The following DGKB variants were observed in gnomAD, a reference collection of about 807,000 sequenced individuals.
DGKB encodes diacylglycerol kinase beta, also known as 90 kDa diacylglycerol kinase.
Under a neutral mutation model 114.3 loss-of-function variants are expected in DGKB, and 67 were observed. That is an observed-to-expected ratio of 0.59 (90% CI 0.48 to 0.72). DGKB has a LOEUF of 0.72. Among genes scored for constraint, DGKB ranks in the 30% least tolerant of loss-of-function variants. The pLI is 0.00. For missense variants in DGKB, 907 were observed against 975.2 expected (o/e 0.93, Z 0.93); for synonymous variants, 398 against 323.1 (o/e 1.23, Z -2.49).
At chr7:14,726,260 C>G (rs1204067809) in intron 5 of DGKB, among the ~76,000 whole-genome samples, 4 of 152,076 alleles carry the variant, frequency 2.6e-5, no homozygotes, top group African/African-American at 9.7e-5. Context: ...CTGCCTCAGC[C>G]TCCCAGGTAG....
intron 1 of DGKB, among the ~76,000 whole-genome samples, chr7:14,861,941 A>G (rs1384244105): frequency 6.6e-6 from 1 of 151,970 alleles, no homozygotes; most frequent in African/African-American, 2.4e-5. Flanking sequence ...CTGTAAGGTG[A>G]TGCGTCACCG....
At chr7:14,654,126 A>G (rs2128907756) in intron 13 of DGKB, among the ~76,000 whole-genome samples, 1 of 152,218 alleles carries the variant, frequency 6.6e-6, no homozygotes, top group East Asian at 1.9e-4. Flanking sequence ...AATCTTACAT[A>G]TAGAAAAACC....
At chr7:14,382,550 G>C (rs1041859798) in intron 21 of DGKB, among the ~76,000 whole-genome samples, 1 of 151,920 alleles carries the variant, frequency 6.6e-6, no homozygotes, top group Non-Finnish European at 1.5e-5. Flanking sequence ...TATTCACAGG[G>C]GTAATTTTTA....
chr7:14,292,007 ACAATAT>A (rs1381409940), intron 23 of DGKB, among the ~76,000 whole-genome samples: 7 of 152,258 alleles, frequency 4.6e-5, no homozygotes, highest in African/African-American at 1.7e-4. Context: ...CAAAAAAGGC[ACAATAT>A]CTGAAGGACA....
intron 13 of DGKB, 130 bp downstream of exon 13, chr7:14,672,799 C>G (rs562299473): frequency 2.1e-6 from 1 of 480,900 alleles, no homozygotes; most frequent in Non-Finnish European, 3.8e-6. Flanking sequence ...TTCAGAGTAA[C>G]GACGTATTTT....
intron 21 of DGKB, among the ~76,000 whole-genome samples, chr7:14,457,611 G>C (rs1408626927): frequency 6.6e-6 from 1 of 152,078 alleles, no homozygotes; most frequent in East Asian, 1.9e-4. Context: ...CTGCAATTAA[G>C]AAAGAACATC....
intron 13 of DGKB, among the ~76,000 whole-genome samples, chr7:14,653,770 A>T (rs1017078960): frequency 2.0e-5 from 3 of 152,130 alleles, no homozygotes; most frequent in Admixed American, 6.6e-5. Context: ...GAATAAAGGA[A>T]AAAGTCTTAC....
chr7:14,715,761 C>G (rs755872037), intron 6 of DGKB, among the ~76,000 whole-genome samples: 15 of 152,216 alleles, frequency 9.9e-5, no homozygotes, highest in Non-Finnish European at 1.8e-4. Flanking sequence ...CGAATAACAC[C>G]CTTTCCTTCT....
chr7:14,654,118 T>C (rs994270948), intron 13 of DGKB, among the ~76,000 whole-genome samples: 1 of 152,000 alleles, frequency 6.6e-6, no homozygotes, highest in African/African-American at 2.4e-5. Flanking sequence ...AATGAGATAA[T>C]CTTACATATA....
intron 4 of DGKB, among the ~76,000 whole-genome samples, chr7:14,752,878 A>G (rs1192528929): frequency 1.3e-5 from 2 of 152,116 alleles, no homozygotes; most frequent in Non-Finnish European, 2.9e-5. Flanking sequence ...CAAATCATTT[A>G]CTCCAAGGGA....
At chr7:14,839,850 T>G (rs990456976) in intron 2 of DGKB, among the ~76,000 whole-genome samples, 6 of 152,082 alleles carry the variant, frequency 3.9e-5, no homozygotes. Flanking sequence ...TTAAAATGCC[T>G]ATGAAATTAT....
chr7:14,927,934 G>T (rs541187141), intron 1 of DGKB, among the ~76,000 whole-genome samples: 1 of 151,594 alleles, frequency 6.6e-6, no homozygotes, highest in Admixed American at 6.6e-5. Flanking sequence ...CTAGTATCTT[G>T]GATGCAATTT....
intron 23 of DGKB, among the ~76,000 whole-genome samples, chr7:14,228,899 T>TGTGTGTGTGTGTGTGTGTGTGG (rs1791269963): frequency 6.6e-6 from 1 of 151,724 alleles, no homozygotes; most frequent in African/African-American, 2.4e-5. Context: ...TGTGTGTGTG[T>TGTGTGTGTGTGTGTGTGTGTGG]GTGTGTGTTC....
chr7:14,730,793 G>A (rs940739511), intron 5 of DGKB, among the ~76,000 whole-genome samples: 3 of 152,156 alleles, frequency 2.0e-5, no homozygotes, highest in Non-Finnish European at 4.4e-5. Flanking sequence ...CAGCACCCAT[G>A]CCCTTCACTA....
chr7:14,466,496 G>A (rs1246840878), intron 21 of DGKB, among the ~76,000 whole-genome samples: 1 of 152,182 alleles, frequency 6.6e-6, no homozygotes, highest in African/African-American at 2.4e-5. Flanking sequence ...AACAGTTGCA[G>A]CCAGTCAACA....
intron 5 of DGKB, among the ~76,000 whole-genome samples, chr7:14,727,759 A>G (rs1394701318): frequency 1.3e-5 from 2 of 152,172 alleles, no homozygotes; most frequent in African/African-American, 4.8e-5. Context: ...AAACTGAAAT[A>G]ACTGATCAGT....
chr7:14,407,338 C>A (rs541476551), intron 21 of DGKB, among the ~76,000 whole-genome samples: 1 of 152,100 alleles, frequency 6.6e-6, no homozygotes, highest in Non-Finnish European at 1.5e-5. Flanking sequence ...AAAATCCTAT[C>A]GGCTTCCAAT....
At chr7:14,963,826 T>C (rs543772750) in intron 1 of DGKB, among the ~76,000 whole-genome samples, 2 of 152,234 alleles carry the variant, frequency 1.3e-5, no homozygotes, top group African/African-American at 4.8e-5. Context: ...ATTTGATCAA[T>C]ATTAATAAAA....
In DGKB at chr7:14,923,821, C is replaced by T. The variant is rs2158482; in HGVS notation, c.-188+50875G>A. 9.7e-3 allele frequency among the ~76,000 whole-genome samples: 1,465 copies of T among 151,804 alleles called. 21 individuals carry two copies. The highest frequency in any genetic ancestry group is 0.033 in the African/African-American group (1,360 of 41,316). On this transcript the variant is annotated intron_variant, in intron 1 of 4. Coordinates refer to the DGKB transcript ENST00000437998. ...ACAAGCCTGGCCAACATGAGGAAACCCTGTTTCTACTAAAAATACAAAAAT... is the reference window on the plus strand; with the variant it reads ...ACAAGCCTGGCCAACATGAGGAAACTCTGTTTCTACTAAAAATACAAAAAT...
Sources: allele counts gnomAD v4.1 joint callset (sites outside exome capture counted in the v4.1 genomes callset), GRCh38; gene constraint gnomAD v4.1.1; transcripts MANE v1.5; gene names NCBI Gene and HGNC (gene_info 2026-07-23, HGNC 2026-07-21).